ENG: variants seen among roughly 807,000 people sequenced by gnomAD.
ENG encodes the protein CD105 antigen.
ENG carries 17 observed loss-of-function variants against 71.0 expected under a neutral mutation model. The observed-to-expected ratio is 0.24, with a 90% CI of 0.16 to 0.36. ENG has a LOEUF of 0.36. ENG is among the 10% of genes least tolerant of loss of function. The pLI is 1.00. For synonymous variants in ENG, 360 were observed against 366.9 expected (o/e 0.98, Z 0.21); for missense variants, 749 against 868.3 (o/e 0.86, Z 1.73).
chr9:127,843,044 C>T (rs769378236), intron 2 of ENG, 50 bp downstream of exon 2: 3 of 1,612,694 alleles, frequency 1.9e-6, no homozygotes, highest in Non-Finnish European at 2.5e-6. Context: ...ACCCCATCTG[C>T]CTTGGAGCTT....
chr9:127,839,133 C>T (rs770876406), intron 2 of ENG, among the ~76,000 whole-genome samples: 10 of 152,148 alleles, frequency 6.6e-5, no homozygotes, highest in Non-Finnish European at 1.2e-4. Flanking sequence ...TTTTCCCTAA[C>T]GCCCCTCCCT....
intron 13 of ENG, chr9:127,816,366 G>A (rs1053141196): frequency 1.3e-5 from 6 of 460,612 alleles, no homozygotes; most frequent in South Asian, 2.1e-5. Flanking sequence ...AGGCTCGGGA[G>A]TACAGAGCCT....
intron 8 of ENG, chr9:127,821,389 T>C (rs943372212): frequency 6.6e-6 from 1 of 151,248 alleles, no homozygotes; most frequent in African/African-American, 2.4e-5. Flanking sequence ...CGAGATCACA[T>C]CATTGCACTC....
In ENG at chr9:127,843,237, C is replaced by T. The variant is rs1831084942; in HGVS notation, c.76G>A (p.Glu26Lys). Residue 26 changes from glutamate (E) to lysine (K), a missense_variant, in exon 2 of 15, where the codon GAA becomes AAA. Physicochemically the swap from Glu to Lys is moderately conservative, Grantham distance 56. Coordinates refer to ENST00000373203, the MANE Select transcript of ENG (RefSeq NM_001114753.3). ...SCSLSPTSLA[E>K]TVHCDLQPVG... ...GGCTGAAGGTCACAATGGACTGTTT[C>T]TGCAAGACCTGTTGGAGAAACATCC... is the stretch of plus-strand genomic sequence containing the variant. 6.2e-7 allele frequency: 1 copy of T among 1,614,200 alleles called. No individual in the cohort carries two copies. The highest frequency in any genetic ancestry group is 2.2e-5 in the East Asian group (1 of 44,890).
Position 127,815,825 on chromosome 9 carries a change from G to A in ENG, c.1853-19C>T. On this transcript the variant is annotated intron_variant, in intron 14 of 14. Transcript: ENST00000373203. ...GGGGAACCTGGGAGCGGGAGCGGGG[G>A]CAGGGGCGGAGGTCAGGGTCCTGGC... 1.9e-6 allele frequency: 3 copies of A among 1,547,556 alleles called. No individual in the cohort carries two copies. Among genetic ancestry groups the A allele is most frequent in the African/African-American group, 1.4e-5 (1 of 73,188 alleles).
At position 127,846,179 on chromosome 9, in the gene ENG, A is replaced by C. The variant is rs1464799317; in HGVS notation, c.68-2934T>G. On this transcript the variant is annotated intron_variant, in intron 1 of 14. Coordinates refer to ENST00000373203, the MANE Select transcript of ENG (RefSeq NM_001114753.3). This position sits in a 1 kb window ranked among gnomAD's most constrained non-coding sequence, Gnocchi z 5.5. ...GGATCTCCCTCACCCCAACAAAATC[A>C]AGGGCTGGTGCCATCTCCTGTCTCC... 1.3e-5 allele frequency among the ~76,000 whole-genome samples: 2 copies of C among 152,170 alleles called. No homozygotes were observed. Among genetic ancestry groups the C allele is most frequent in the South Asian group, 2.1e-4 (1 of 4,820 alleles).
In ENG at chr9:127,838,228, G is replaced by A. The variant is rs1830949788; in HGVS notation, c.219+4866C>T. Among the ~76,000 whole-genome samples, 1 of 152,170 alleles carries A rather than the reference G, an allele frequency of 6.6e-6. No individual in the cohort carries two copies. The highest frequency in any genetic ancestry group is 2.4e-5 in the African/African-American group (1 of 41,442). On this transcript the variant is annotated intron_variant, in intron 2 of 14. Transcript: ENST00000373203. This position sits in a 1 kb window ranked among gnomAD's most constrained non-coding sequence, Gnocchi z 4.3. ...CCTGAGAGGAGGCTCAGAGCCATTTGGGATTTTGGGGTCCTGGGTACCCAG... is the reference window on the plus strand; with the variant it reads ...CCTGAGAGGAGGCTCAGAGCCATTTAGGATTTTGGGGTCCTGGGTACCCAG...
chr9:127,828,121 T>C (rs1294099166), intron 3 of ENG, among the ~76,000 whole-genome samples: 1 of 150,306 alleles, frequency 6.7e-6, no homozygotes, highest in Non-Finnish European at 1.5e-5. Context: ...AAGCTAGATA[T>C]TGAGGACTGC....
intron 5 of ENG, 114 bp downstream of exon 5, chr9:127,825,581 C>T: frequency 1.7e-6 from 2 of 1,163,526 alleles, no homozygotes; most frequent in South Asian, 3.0e-5. Flanking sequence ...TGCGGCGGGG[C>T]TGGGGCTGGG....
chr9:127,819,237 C>CT (rs757591987), intron 10 of ENG: 8,985 of 266,852 alleles, frequency 0.034, 13 homozygotes, highest in South Asian at 0.053. Flanking sequence ...GCGCCCGGCC[C>CT]TTTTTTTTTT....
chr9:127,824,228 A>AC (rs1830543077), intron 8 of ENG, 76 bp downstream of exon 8: 1 of 1,609,220 alleles, frequency 6.2e-7, no homozygotes, highest in Non-Finnish European at 8.5e-7. Flanking sequence ...CTGGGCTAGG[A>AC]CCCCAAGAGT....
intron 2 of ENG, among the ~76,000 whole-genome samples, chr9:127,834,279 G>C (rs1363966994): frequency 6.6e-6 from 1 of 150,918 alleles, no homozygotes; most frequent in African/African-American, 2.5e-5. Context: ...GTCTTGCTCT[G>C]TCGCCTAGGC....
chr9:127,817,940 A>G, intron 12 of ENG, 180 bp downstream of exon 12: 1 of 889,636 alleles, frequency 1.1e-6, no homozygotes, highest in Non-Finnish European at 1.7e-6. Context: ...CAGTCCCACC[A>G]GAAAGCTCTC....
intron 2 of ENG, among the ~76,000 whole-genome samples, chr9:127,833,743 A>G (rs1157576997): frequency 6.6e-6 from 1 of 152,176 alleles, no homozygotes; most frequent in Non-Finnish European, 1.5e-5. Context: ...TTGAGATTTA[A>G]CTTTTAATCA....
In ENG at chr9:127,847,775, C is replaced by G. The variant is rs41381547; in HGVS notation, c.68-4530G>C. 1.1e-3 allele frequency among the ~76,000 whole-genome samples: 168 copies of G among 152,264 alleles called. 1 individual carries two copies. The highest frequency in any genetic ancestry group is 1.8e-3 in the Admixed American group (27 of 15,290). On this transcript the variant is annotated intron_variant, in intron 1 of 14. Transcript: ENST00000373203. ...GCCTGCCCCGTCTTGTTCAGTACCCCCGGGCCACTCTTTACCCTTTTCAGG... is the reference window on the plus strand; with the variant it reads ...GCCTGCCCCGTCTTGTTCAGTACCCGCGGGCCACTCTTTACCCTTTTCAGG...
chr9:127,854,522 G>A lies in ENG; in HGVS notation c.-167C>T, dbSNP rs1829100603. The A allele has an allele frequency of 3.0e-6, 2 of 664,652 alleles. No homozygotes were observed. The highest frequency in any genetic ancestry group is 4.2e-4 in the Middle Eastern group (1 of 2,408). 41.2% of individuals were successfully genotyped at this position (664,652 alleles called of 1,614,324 possible). A position where few individuals can be genotyped will look rare whatever the true frequency, so the allele number is the denominator to read the frequency against. ...TTCTGGGGTGGCGGCCGAGGGGTCA[G>A]GAGAAGTGGACACAGGGACGCGGGG... On this transcript the variant is annotated 5_prime_UTR_variant, in exon 1 of 15. Transcript: ENST00000373203.
intron 3 of ENG, 66 bp downstream of exon 3, chr9:127,829,621 A>C: frequency 1.2e-6 from 2 of 1,602,424 alleles, no homozygotes; most frequent in Non-Finnish European, 1.7e-6. Context: ...CCTGACCCAC[A>C]GAGATGGACA....
chr9:127,826,414 G>A (rs928222187), intron 4 of ENG, 96 bp downstream of exon 4: 2 of 1,519,938 alleles, frequency 1.3e-6, no homozygotes, highest in African/African-American at 2.7e-5. Context: ...GTCCCCTCCT[G>A]CACTCTTGGT....
intron 1 of ENG, among the ~76,000 whole-genome samples, chr9:127,849,693 A>G (rs190882431): frequency 1.3e-5 from 2 of 152,266 alleles, no homozygotes; most frequent in African/African-American, 4.8e-5. Flanking sequence ...TGGGGACCAG[A>G]GAAAAGGCTG....
Sources: gnomAD v4.1 joint callset for allele counts (sites outside exome capture counted in the v4.1 genomes callset) on GRCh38, gnomAD v4.1.1 for gene constraint, Gnocchi (gnomAD v3.1) non-coding constraint, MANE v1.5 for transcripts, NCBI Gene and HGNC (gene_info 2026-07-23, HGNC 2026-07-21) for gene names.